Variants in SHFL observed in about 807,000 individuals in gnomAD.
SHFL encodes shiftless antiviral inhibitor of ribosomal frameshifting protein.
A neutral mutation model predicts 34.7 loss-of-function variants in SHFL; 12 were observed. The observed-to-expected ratio is 0.35, with a 90% CI of 0.22 to 0.56. The LOEUF is 0.56. Among genes scored for constraint, SHFL ranks in the 20% least tolerant of loss-of-function variants. The pLI, the probability that SHFL is intolerant of heterozygous loss-of-function variation, is 0.88. For synonymous variants in SHFL, 148 were observed against 156.0 expected (o/e 0.95, Z 0.38); for missense variants, 278 against 411.1 (o/e 0.68, Z 2.80).
Position 10,092,859 on chromosome 19 carries a change from A to G in SHFL, c.*557A>G. On this transcript the variant is annotated 3_prime_UTR_variant, in exon 8 of 8. Transcript: ENST00000253110. ...CACCTCACAGTGCAAGGCTTTTGCC[A>G]GGCATCCCCTGGCCCCTCCCATTCT... 1 of 1,235,398 alleles carries G rather than the reference A, an allele frequency of 8.1e-7. No homozygotes were observed. Among genetic ancestry groups the G allele is most frequent in the Admixed American group, 2.9e-5 (1 of 34,162 alleles). The allele number at this position is 1,235,398 out of a possible 1,614,324, so 76.5% of individuals were successfully genotyped here. A position where few individuals can be genotyped will look rare whatever the true frequency, so the allele number is the denominator to read the frequency against.
chr19:10,091,729 G>C lies in SHFL; in HGVS notation c.643+99G>C. 3 of 1,415,832 alleles carry C rather than the reference G, an allele frequency of 2.1e-6. No homozygotes were observed. 87.7% of individuals were successfully genotyped at this position (1,415,832 alleles called of 1,614,324 possible). A position where few individuals can be genotyped will look rare whatever the true frequency, so the allele number is the denominator to read the frequency against. Reference sequence around the variant, plus strand: ...TCAGTCCACTTTGTCTCCCACAGCAGCAGCCACTGCTTCCACATGGCCTCC... The same window carrying C: ...TCAGTCCACTTTGTCTCCCACAGCACCAGCCACTGCTTCCACATGGCCTCC... On this transcript the variant is annotated intron_variant, in intron 7 of 7. Transcript: ENST00000253110. The surrounding 1 kb of genome is among the most constrained non-coding windows in gnomAD (Gnocchi z 8.2).
rs567037098 is a variant in SHFL, at chr19:10,086,568, C to T, written c.21+120C>T. 8.5e-5 allele frequency: 86 copies of T among 1,015,692 alleles called. No homozygotes were observed. In the Admixed American group the frequency reaches 2.6e-3, roughly 31 times the overall value. The allele number at this position is 1,015,692 out of a possible 1,614,324, so 62.9% of individuals were successfully genotyped here. A position where few individuals can be genotyped will look rare whatever the true frequency, so the allele number is the denominator to read the frequency against. On this transcript the variant is annotated intron_variant, in intron 1 of 7. Coordinates refer to ENST00000253110, the MANE Select transcript of SHFL (RefSeq NM_018381.4). The surrounding 1 kb of genome is among the most constrained non-coding windows in gnomAD (Gnocchi z 5.2). ...CCCATCCTAGAACCCCAGATCCTTACCCCTGCCTGGCGCTCGCCCCCCTTG... is the reference window on the plus strand; with the variant it reads ...CCCATCCTAGAACCCCAGATCCTTATCCCTGCCTGGCGCTCGCCCCCCTTG...
rs373425961 is a variant in SHFL at position 10,092,227 on chromosome 19, C to G, written c.801C>G (p.Leu267=). 8 of 1,613,248 alleles carry G rather than the reference C, an allele frequency of 5.0e-6. No homozygotes were observed. Among genetic ancestry groups the G allele is most frequent in the Non-Finnish European group, 6.8e-6 (8 of 1,179,564 alleles). Residue 267 remains leucine (L), a synonymous_variant, in exon 8 of 8, where the codon CTC becomes CTG. Transcript: ENST00000253110. The part of the protein sequence containing the change: ...QGGLLEDLDN[L]ILEDLKEEEE... The stretch of plus-strand genomic sequence containing the variant: ...GCCTCCTGGAAGACCTGGACAACCT[C>G]ATCCTGGAGGACCTGAAGGAGGAGG...
rs1308537235 is a variant in SHFL at position 10,093,144 on chromosome 19, T to C, written c.*842T>C. On this transcript the variant is annotated 3_prime_UTR_variant, in exon 8 of 8. Transcript: ENST00000253110. ...CTTGAACAGGAGTCTTGATTCTTTTTTTGCCTCATCAGAGAAGGAATCTGG... is the reference window on the plus strand; with the variant it reads ...CTTGAACAGGAGTCTTGATTCTTTTCTTGCCTCATCAGAGAAGGAATCTGG... 3 of 640,416 alleles carry C rather than the reference T, an allele frequency of 4.7e-6. No individual in the cohort carries two copies. Among genetic ancestry groups the C allele is most frequent in the Non-Finnish European group, 7.9e-6 (3 of 381,120 alleles). The allele number at this position is 640,416 out of a possible 1,614,324, so 39.7% of individuals were successfully genotyped here. A position where few individuals can be genotyped will look rare whatever the true frequency, so the allele number is the denominator to read the frequency against.
chr19:10,093,235 T>C lies in SHFL; in HGVS notation c.*933T>C. On this transcript the variant is annotated 3_prime_UTR_variant, in exon 8 of 8. Transcript: ENST00000253110. ...TTCTCTTGACGGAATAAAAGCTTGCTTATCCTTATACTTACCAGAGGGGCG... is the reference window on the plus strand; with the variant it reads ...TTCTCTTGACGGAATAAAAGCTTGCCTATCCTTATACTTACCAGAGGGGCG... 7.3e-7 allele frequency: 1 copy of C among 1,361,868 alleles called. No individual in the cohort carries two copies. Among genetic ancestry groups the C allele is most frequent in the Admixed American group, 2.3e-5 (1 of 44,206 alleles). The allele number at this position is 1,361,868 out of a possible 1,614,324, so 84.4% of individuals were successfully genotyped here. A position where few individuals can be genotyped will look rare whatever the true frequency, so the allele number is the denominator to read the frequency against.
In SHFL at chr19:10,091,920, A is replaced by G; in HGVS notation, c.644-150A>G. The stretch of plus-strand genomic sequence containing the variant: ...ACCCCCATGTCCCCAGGTCTCCTGT[A>G]TCTTCAACACCCCTGAATGTCCAGT... On this transcript the variant is annotated intron_variant, in intron 7 of 7. Transcript: ENST00000253110. This position sits in a 1 kb window ranked among gnomAD's most constrained non-coding sequence, Gnocchi z 8.2. 9.8e-7 allele frequency: 1 copy of G among 1,023,172 alleles called. No homozygotes were observed. Among genetic ancestry groups the G allele is most frequent in the Non-Finnish European group, 1.4e-6 (1 of 697,970 alleles). 63.4% of individuals were successfully genotyped at this position (1,023,172 alleles called of 1,614,324 possible). A position where few individuals can be genotyped will look rare whatever the true frequency, so the allele number is the denominator to read the frequency against.
chr19:10,089,811 G>C, intron 4 of SHFL, 87 bp from the exon 5 acceptor site: 1 of 1,562,868 alleles, frequency 6.4e-7, no homozygotes, highest in Non-Finnish European at 8.7e-7. Flanking sequence ...AAGAGGACTC[G>C]TCTGTAGGGA....
chr19:10,089,286 C>A (rs749482796), intron 3 of SHFL: 30 of 1,596,580 alleles, frequency 1.9e-5, no homozygotes, highest in Non-Finnish European at 2.5e-6. Flanking sequence ...GGATTTGAAC[C>A]CACATCTCTC....
chr19:10,088,743 C>G (rs1568463469), intron 3 of SHFL, among the ~76,000 whole-genome samples: 1 of 151,850 alleles, frequency 6.6e-6, no homozygotes, highest in Non-Finnish European at 1.5e-5. Context: ...GTCAGGAGTT[C>G]GAGATTAGCC....
chr19:10,090,944 T>G (rs1465838005), intron 5 of SHFL, among the ~76,000 whole-genome samples: 1 of 151,930 alleles, frequency 6.6e-6, no homozygotes, highest in Non-Finnish European at 1.5e-5. Flanking sequence ...AAACCAAATC[T>G]GACCTCAAAA....
chr19:10,091,192 C>G lies in SHFL; in HGVS notation c.385-58C>G. The G allele has an allele frequency of 6.6e-7, 1 of 1,508,136 alleles. No homozygotes were observed. The highest frequency in any genetic ancestry group is 1.4e-5 in the African/African-American group (1 of 72,782). The allele number at this position is 1,508,136 out of a possible 1,614,324, so 93.4% of individuals were successfully genotyped here. On this transcript the variant is annotated intron_variant, in intron 5 of 7. Coordinates refer to ENST00000253110, the MANE Select transcript of SHFL (RefSeq NM_018381.4). The surrounding 1 kb of genome is among the most constrained non-coding windows in gnomAD (Gnocchi z 8.2). ...ACACTGCTAGCCCTGACCCCAACCT[C>G]AGACACCTCTGACAATCCTTGGTCC...
At chr19:10,087,184 T>C in intron 2 of SHFL, 67 bp from the exon 3 acceptor site, 1 of 1,607,872 alleles carries the variant, frequency 6.2e-7, no homozygotes, top group Admixed American at 1.7e-5. Flanking sequence ...GCGTCGCGGC[T>C]CTGGGTGGCC....
intron 5 of SHFL, among the ~76,000 whole-genome samples, chr19:10,090,703 A>C (rs1181711934): frequency 6.6e-6 from 1 of 151,854 alleles, no homozygotes; most frequent in South Asian, 2.1e-4. Context: ...CAGCCTCCCA[A>C]AGTGCTGGGA....
rs950412742 is a variant in SHFL, at chr19:10,087,199, A to C, written c.146-52A>C. ...GCGTCGCGGCTCTGGGTGGCCTGGA[A>C]CTCCCACAGACCCTTCAAGGGCCCT... On this transcript the variant is annotated intron_variant, in intron 2 of 7. Coordinates refer to ENST00000253110, the MANE Select transcript of SHFL (RefSeq NM_018381.4). 1.9e-6 allele frequency: 3 copies of C among 1,609,982 alleles called. No homozygotes were observed. The African/African-American group carries it at 4.0e-5, about 22-fold the overall frequency.
At chr19:10,087,361 C>A (rs756695696) in intron 3 of SHFL, 61 bp downstream of exon 3, 17 of 1,590,414 alleles carry the variant, frequency 1.1e-5, no homozygotes, top group Non-Finnish European at 1.3e-5. Context: ...AGAGGGGGGA[C>A]CCGACCCGTT....
Position 10,086,419 on chromosome 19 carries a change from G to A in SHFL, c.-9G>A. 1 of 1,343,524 alleles carries A rather than the reference G, an allele frequency of 7.4e-7. No homozygotes were observed. The highest frequency in any genetic ancestry group is 2.3e-5 in the South Asian group (1 of 43,584). 83.2% of individuals were successfully genotyped at this position (1,343,524 alleles called of 1,614,324 possible). ...GCGGACCCTCGCGGGGAACTGCGCC[G>A]CCGCCACCATGTCTCAGGAAGGTGT... On this transcript the variant is annotated 5_prime_UTR_variant, in exon 1 of 8. Transcript: ENST00000253110. This position sits in a 1 kb window ranked among gnomAD's most constrained non-coding sequence, Gnocchi z 5.2.
rs569120318 is a variant in SHFL, at chr19:10,092,243, AAGG to A, written c.831_833del (p.Glu281del). 1.4e-5 allele frequency: 22 copies of A among 1,610,594 alleles called. No individual in the cohort carries two copies. Among genetic ancestry groups the A allele is most frequent in the Admixed American group, 3.4e-5 (2 of 59,166 alleles). On this transcript the variant is annotated inframe_deletion, in exon 8 of 8. Transcript: ENST00000253110. ...GGACAACCTCATCCTGGAGGACCTGAAGGAGGAGGAGGAGGAAGAGGAGGAGGT... is the reference window on the plus strand; with the variant it reads ...GGACAACCTCATCCTGGAGGACCTGAAGGAGGAGGAGGAAGAGGAGGAGGT...
At position 10,091,230 on chromosome 19, in the gene SHFL, T is replaced by C. The variant is rs2088379879; in HGVS notation, c.385-20T>C. ...CAATCCTTGGTCCCCTCTCTGTACC[T>C]TCCTGCCCACCACCACCAGGTATCC... On this transcript the variant is annotated intron_variant, in intron 5 of 7. Coordinates refer to ENST00000253110, the MANE Select transcript of SHFL (RefSeq NM_018381.4). The surrounding 1 kb of genome is among the most constrained non-coding windows in gnomAD (Gnocchi z 8.2). 1 of 1,609,424 alleles carries C rather than the reference T, an allele frequency of 6.2e-7. No individual in the cohort carries two copies. Among genetic ancestry groups the C allele is most frequent in the African/African-American group, 1.3e-5 (1 of 74,842 alleles).
chr19:10,091,748 G>A lies in SHFL; in HGVS notation c.643+118G>A. On this transcript the variant is annotated intron_variant, in intron 7 of 7. Coordinates refer to ENST00000253110, the MANE Select transcript of SHFL (RefSeq NM_018381.4). This position sits in a 1 kb window ranked among gnomAD's most constrained non-coding sequence, Gnocchi z 8.2. ...ACAGCAGCAGCCACTGCTTCCACAT[G>A]GCCTCCATGACCCCCCAGTCTCCGT... is the stretch of plus-strand genomic sequence containing the variant. The A allele has an allele frequency of 7.5e-7, 1 of 1,341,230 alleles. No individual in the cohort carries two copies. 83.1% of individuals were successfully genotyped at this position (1,341,230 alleles called of 1,614,324 possible).
Sources: gnomAD v4.1 joint callset for allele counts (sites outside exome capture counted in the v4.1 genomes callset) on GRCh38, gnomAD v4.1.1 for gene constraint, Gnocchi (gnomAD v3.1) non-coding constraint, MANE v1.5 for transcripts, NCBI Gene and HGNC (gene_info 2026-07-23, HGNC 2026-07-21) for gene names.